Variants in NAT10 observed in about 807,000 individuals in gnomAD.
NAT10 encodes the protein N-acetyltransferase 10.
A neutral mutation model predicts 132.2 loss-of-function variants in NAT10; 109 were observed. The ratio of observed to expected loss-of-function variants is 0.82; its 90% CI spans 0.71 to 0.97. The LOEUF is 0.97. Ranked by LOEUF, NAT10 falls within the 50% of genes least tolerant of loss-of-function variation. NAT10 has a pLI of 0.00. For missense variants in NAT10, 1,184 were observed against 1,263.4 expected (o/e 0.94, Z 0.95); for synonymous variants, 479 against 478.0 (o/e 1.00, Z -0.03).
intron 9 of NAT10, among the ~76,000 whole-genome samples, 159 bp from the exon 10 acceptor site, chr11:34,123,603 T>C (rs1028242544): frequency 6.6e-6 from 1 of 152,272 alleles, no homozygotes; most frequent in Non-Finnish European, 1.5e-5. Flanking sequence ...CTGGAGTTGC[T>C]TTACTTTCCT....
intron 26 of NAT10, 78 bp downstream of exon 26, chr11:34,141,895 C>G: frequency 8.1e-7 from 1 of 1,233,668 alleles, no homozygotes; most frequent in Non-Finnish European, 1.2e-6. Flanking sequence ...ACTGTCTTCC[C>G]CTTCCCCTTT....
At position 34,125,750 on chromosome 11, in the gene NAT10, G is replaced by A. The variant is rs967190322; in HGVS notation, c.1107+1350G>A. On this transcript the variant is annotated intron_variant, in intron 11 of 28. Transcript: ENST00000257829. ...GGCTGAGGTGGGCGAATCACTTGAG[G>A]TCAGGAGTTGGAGACCATCCTGGCC... Among the ~76,000 whole-genome samples, 3 of 152,152 alleles carry A rather than the reference G, an allele frequency of 2.0e-5. No homozygotes were observed. In the South Asian group the frequency reaches 6.2e-4, roughly 32 times the overall value.
chr11:34,136,803 T>C, intron 20 of NAT10, 28 bp downstream of exon 20: 2 of 1,614,120 alleles, frequency 1.2e-6, no homozygotes, highest in Non-Finnish European at 1.7e-6. Context: ...TTCCACGGCA[T>C]CACTCCTTGG....
At chr11:34,142,020 G>A in intron 26 of NAT10, 1 of 536,734 alleles carries the variant, frequency 1.9e-6, no homozygotes, top group South Asian at 2.4e-5. Context: ...CCCACTGATT[G>A]TGTGTGTGTG....
intron 8 of NAT10, among the ~76,000 whole-genome samples, chr11:34,121,956 G>A (rs1182705239): frequency 6.7e-6 from 1 of 149,982 alleles, no homozygotes; most frequent in African/African-American, 2.5e-5. Flanking sequence ...CAGGCGGATC[G>A]CCTGAGGTTA....
chr11:34,121,493 G>T (rs1309905427), intron 8 of NAT10, among the ~76,000 whole-genome samples: 1 of 152,062 alleles, frequency 6.6e-6, no homozygotes, highest in Non-Finnish European at 1.5e-5. Flanking sequence ...GCAACTTTAG[G>T]CGTTCAGTTT....
intron 8 of NAT10, 109 bp from the exon 9 acceptor site, chr11:34,122,350 G>C: frequency 7.1e-7 from 1 of 1,412,014 alleles, no homozygotes; most frequent in Non-Finnish European, 9.9e-7. Context: ...AAGAACTGCC[G>C]CCCTCTTATT....
At chr11:34,140,882 AGGATAAAAGTTACTTTGG>A (rs1313701413) in intron 24 of NAT10, among the ~76,000 whole-genome samples, 189 bp from the exon 25 acceptor site, 2 of 151,864 alleles carry the variant, frequency 1.3e-5, no homozygotes, top group Admixed American at 6.6e-5. Flanking sequence ...GGTATTTGTC[AGGATAAAAGTTACTTTGG>A]GGATTTTAGG....
chr11:34,126,222 A>G (rs1474528319), intron 11 of NAT10, among the ~76,000 whole-genome samples: 1 of 152,230 alleles, frequency 6.6e-6, no homozygotes, highest in Non-Finnish European at 1.5e-5. Flanking sequence ...AACATCACAA[A>G]TACAGTTGAA....
At position 34,146,105 on chromosome 11, in the gene NAT10, G is replaced by C. The variant is rs367696829; in HGVS notation, c.2991G>C (p.Glu997Asp). Residue 997 changes from glutamate to aspartate, a missense_variant, in exon 29 of 29, where the codon GAG (glutamate) becomes GAC (aspartate). Glu to Asp is a conservative substitution (Grantham distance 45, BLOSUM62 2). Transcript: ENST00000257829. ...CTAGTGACAAGAAAAGGAAGTTAGA[G>C]GCCAAACAAGAACCCAAACAGAGCA... Reference protein sequence around the residue: ...SLKSDKKRKLEAKQEPKQSKK... With the variant: ...SLKSDKKRKLDAKQEPKQSKK... 7 of 1,607,498 alleles carry C rather than the reference G, an allele frequency of 4.4e-6. No homozygotes were observed. In the Admixed American group the frequency reaches 5.1e-5, roughly 12 times the overall value.
chr11:34,109,421 CAG>C (rs963992406), intron 3 of NAT10, among the ~76,000 whole-genome samples: 2 of 152,206 alleles, frequency 1.3e-5, no homozygotes, highest in African/African-American at 2.4e-5. Flanking sequence ...TACCTTAAAA[CAG>C]AAATCTTTTG....
rs772432098 is a variant in NAT10 at position 34,127,645 on chromosome 11, G to A, written c.1244+46G>A. On this transcript the variant is annotated intron_variant, in intron 12 of 28. Coordinates refer to ENST00000257829, the MANE Select transcript of NAT10 (RefSeq NM_024662.3). Reference sequence around the variant, plus strand: ...GTCCTTACTCCCGTGGCAGGCTCTTGCAGATTTAGGGGCATGTAGTGGATG... The same window carrying A: ...GTCCTTACTCCCGTGGCAGGCTCTTACAGATTTAGGGGCATGTAGTGGATG... 30 of 1,573,832 alleles carry A rather than the reference G, an allele frequency of 1.9e-5. No homozygotes were observed. The East Asian group carries it at 6.6e-4, about 35-fold the overall frequency.
chr11:34,146,081 T>C lies in NAT10; in HGVS notation c.2970-3T>C. ...ATTCTTTCTATTTTTGATTTTTCTC[T>C]AGTGACAAGAAAAGGAAGTTAGAGG... On this transcript the variant is annotated splice_region_variant and splice_polypyrimidine_tract_variant and intron_variant, in intron 28 of 28. Coordinates refer to ENST00000257829, the MANE Select transcript of NAT10 (RefSeq NM_024662.3). The C allele has an allele frequency of 6.3e-7, 1 of 1,588,966 alleles. No individual in the cohort carries two copies. Among genetic ancestry groups the C allele is most frequent in the Non-Finnish European group, 8.6e-7 (1 of 1,165,030 alleles).
chr11:34,139,189 A>C lies in NAT10; in HGVS notation c.2212-2A>C. The C allele has an allele frequency of 6.2e-7, 1 of 1,613,602 alleles. No homozygotes were observed. The highest frequency in any genetic ancestry group is 8.5e-7 in the Non-Finnish European group (1 of 1,179,558). ...TGCCAGTTAAACCTCTGTGTTGCCC[A>C]GAATGACCTGACCGGAGAGCACTCG... On this transcript the variant is annotated splice_acceptor_variant, in intron 21 of 28. Coordinates refer to ENST00000257829, the MANE Select transcript of NAT10 (RefSeq NM_024662.3). LOFTEE classifies it high-confidence loss of function.
Position 34,108,824 on chromosome 11 carries a change from G to A in NAT10, c.191G>A (p.Gly64Glu). The A allele has an allele frequency of 6.2e-7, 1 of 1,612,878 alleles. No individual in the cohort carries two copies. The highest frequency in any genetic ancestry group is 8.5e-7 in the Non-Finnish European group (1 of 1,179,590). The stretch of plus-strand genomic sequence containing the variant: ...CTGTGGTGTTATAAGAAAGAGCTGG[G>A]GTTTAGCAGGTAAGCTGGGCTCTTC... ...SVLWCYKKEL[G>E]FSSHRKKRMR... The change falls in exon 3 of 29, where the codon GGG becomes GAG. Residue 64 changes from glycine to glutamate, a missense_variant. Transcript: ENST00000257829.
chr11:34,142,042 G>A, intron 26 of NAT10: 1 of 619,934 alleles, frequency 1.6e-6, no homozygotes, highest in Non-Finnish European at 2.8e-6. Flanking sequence ...TGTGAATGTA[G>A]GATTCCAGCA....
chr11:34,146,096 G>T lies in NAT10; in HGVS notation c.2982G>T (p.Arg994Ser). 6.2e-7 allele frequency: 1 copy of T among 1,603,692 alleles called. No homozygotes were observed. The highest frequency in any genetic ancestry group is 8.5e-7 in the Non-Finnish European group (1 of 1,176,266). ...GATTTTTCTCTAGTGACAAGAAAAG[G>T]AAGTTAGAGGCCAAACAAGAACCCA... ...SIISLKSDKK[R>S]KLEAKQEPKQ... The change falls in exon 29 of 29, where the codon AGG becomes AGT. Residue 994 changes from arginine to serine, a missense_variant. By Grantham distance (110) the Arg-to-Ser change is moderately radical (BLOSUM62 -1). Transcript: ENST00000257829.
chr11:34,136,406 T>C (rs1852213857), intron 19 of NAT10, among the ~76,000 whole-genome samples: 2 of 152,204 alleles, frequency 1.3e-5, no homozygotes, highest in African/African-American at 2.4e-5. Flanking sequence ...CTAAACTCTT[T>C]GGCTGTCTTC....
Position 34,143,542 on chromosome 11 carries a change from G to A in NAT10, c.2969+14G>A. 8 of 1,611,960 alleles carry A rather than the reference G, an allele frequency of 5.0e-6. No homozygotes were observed. The highest frequency in any genetic ancestry group is 6.8e-6 in the Non-Finnish European group (8 of 1,178,982). ...CAGCCTGAAAAGGTGAGGGCCCAGG[G>A]TCTGATGTGCATCTGGCGGAAGAGG... On this transcript the variant is annotated intron_variant, in intron 28 of 28. Coordinates refer to ENST00000257829, the MANE Select transcript of NAT10 (RefSeq NM_024662.3).
Sources: allele counts gnomAD v4.1 joint callset (sites outside exome capture counted in the v4.1 genomes callset), GRCh38; gene constraint gnomAD v4.1.1; transcripts MANE v1.5; gene names NCBI Gene and HGNC (gene_info 2026-07-23, HGNC 2026-07-21).